TRHDE: variants seen among roughly 807,000 people sequenced by gnomAD.
The protein encoded by TRHDE is thyrotropin releasing hormone degrading enzyme, also known as thyrotropin-releasing hormone-degrading ectoenzyme.
A neutral mutation model predicts 125.7 loss-of-function variants in TRHDE; 72 were observed. That is an observed-to-expected ratio of 0.57 (90% CI 0.47 to 0.70). The LOEUF (loss-of-function observed/expected upper bound fraction) is 0.70, where lower values mean the gene tolerates loss of function less well. TRHDE is among the 30% of genes least tolerant of loss of function. The pLI is 0.00. For missense variants in TRHDE, 1,110 were observed against 1,327.1 expected, an observed-to-expected ratio of 0.84 and a Z score of 2.54; for synonymous variants, 509 against 509.1, an observed-to-expected ratio of 1.00 and a Z score of 0.00.
intron 6 of TRHDE, among the ~76,000 whole-genome samples, chr12:72,538,041 T>G (rs1868955170): frequency 6.6e-6 from 1 of 152,074 alleles, no homozygotes; most frequent in South Asian, 2.1e-4. Flanking sequence ...CCTGGAATCT[T>G]GCTTCAATAA....
At chr12:72,128,295 T>C (rs1256123722) in intron 2 of TRHDE, among the ~76,000 whole-genome samples, 3 of 152,152 alleles carry the variant, frequency 2.0e-5, no homozygotes, top group Non-Finnish European at 4.4e-5. Flanking sequence ...ACTGATAAAC[T>C]GTATTCCAGA....
At chr12:72,357,357 C>T (rs1400790501) in intron 2 of TRHDE, among the ~76,000 whole-genome samples, 1 of 151,476 alleles carries the variant, frequency 6.6e-6, no homozygotes, top group Non-Finnish European at 1.5e-5. Context: ...TTTTGACCTA[C>T]ATCTATTCAT....
At chr12:72,457,864 A>T (rs1165089827) in intron 3 of TRHDE, among the ~76,000 whole-genome samples, 1 of 152,208 alleles carries the variant, frequency 6.6e-6, no homozygotes, top group Non-Finnish European at 1.5e-5. Context: ...TGCAAATTTC[A>T]AGAGTTAGGA....
chr12:72,348,568 T>A (rs1021216599), intron 2 of TRHDE, among the ~76,000 whole-genome samples: 1 of 152,064 alleles, frequency 6.6e-6, no homozygotes, highest in Non-Finnish European at 1.5e-5. Context: ...GGGTGTTAAA[T>A]CTCTGTTTGC....
intron 18 of TRHDE, among the ~76,000 whole-genome samples, chr12:72,660,602 A>C (rs1044438198): frequency 6.6e-6 from 1 of 152,178 alleles, no homozygotes; most frequent in Admixed American, 6.5e-5. Flanking sequence ...GGTTATTCCT[A>C]GTTTATGTTA....
At chr12:72,216,458 G>A (rs1877893745) in intron 2 of TRHDE, among the ~76,000 whole-genome samples, 1 of 152,166 alleles carries the variant, frequency 6.6e-6, no homozygotes, top group Admixed American at 6.5e-5. Flanking sequence ...TAAAAGTCAG[G>A]TCTCCTGTCT....
intron 2 of TRHDE, among the ~76,000 whole-genome samples, chr12:72,376,992 AT>A (rs927688010): frequency 6.6e-6 from 1 of 152,116 alleles, no homozygotes; most frequent in Non-Finnish European, 1.5e-5. Context: ...CAACACCTTC[AT>A]TTTATAAATG....
At chr12:72,501,944 C>T (rs1212796096) in intron 6 of TRHDE, among the ~76,000 whole-genome samples, 2 of 152,028 alleles carry the variant, frequency 1.3e-5, no homozygotes, top group Admixed American at 6.6e-5. Context: ...AAAATGTTTA[C>T]TTTATTGACA....
Position 72,273,340 on chromosome 12 carries a change from G to A in TRHDE, c.697G>A (p.Ala233Thr). ...CGTAGTGCTGCACGCTTCCCGAGTG[G>A]CGGTGGAGAAAGTGCAGCTGGCCGA... The part of the protein sequence containing the change: ...RYVVLHASRV[A>T]VEKVQLAEDR... Residue 233 changes from alanine to threonine, a missense_variant, in exon 1 of 19, where the codon GCG (alanine) becomes ACG (threonine). This residue lies in a region of TRHDE where 72 missense variants were observed against 122.2 expected (regional missense o/e 0.59). Coordinates refer to ENST00000261180, the MANE Select transcript of TRHDE (RefSeq NM_013381.3). The surrounding 1 kb of genome is among the most constrained non-coding windows in gnomAD (Gnocchi z 5.3). 1.2e-6 allele frequency: 2 copies of A among 1,614,096 alleles called. No individual in the cohort carries two copies. The highest frequency in any genetic ancestry group is 1.1e-5 in the South Asian group (1 of 91,080).
intron 2 of TRHDE, among the ~76,000 whole-genome samples, chr12:72,297,559 A>G (rs1043797225): frequency 6.6e-6 from 1 of 152,190 alleles, no homozygotes; most frequent in Non-Finnish European, 1.5e-5. Context: ...AAAAGCTGTA[A>G]ATCAGGCTTC....
intron 1 of TRHDE, among the ~76,000 whole-genome samples, chr12:72,095,340 A>G (rs1452154286): frequency 6.6e-6 from 1 of 152,186 alleles, no homozygotes; most frequent in Non-Finnish European, 1.5e-5. Flanking sequence ...TTGGCATTTG[A>G]AGCAAGTGTT....
At chr12:72,475,904 GT>G (rs200880586) in intron 5 of TRHDE, among the ~76,000 whole-genome samples, 7 of 151,524 alleles carry the variant, frequency 4.6e-5, no homozygotes, top group South Asian at 2.1e-4. Context: ...ATTATGATGG[GT>G]TTTTTTTGTT....
At chr12:72,235,098 A>G (rs1878315371) in intron 2 of TRHDE, among the ~76,000 whole-genome samples, 9 of 152,062 alleles carry the variant, frequency 5.9e-5, no homozygotes, top group Admixed American at 5.9e-4. Context: ...AACATATGGA[A>G]CTCTTAAGTA....
chr12:72,150,978 A>C (rs1240072722), intron 2 of TRHDE, among the ~76,000 whole-genome samples: 3 of 152,120 alleles, frequency 2.0e-5, no homozygotes, highest in South Asian at 2.1e-4. Context: ...CGCCACACCG[A>C]CTTCCACAAT....
At chr12:72,379,800 A>G (rs1168236242) in intron 3 of TRHDE, among the ~76,000 whole-genome samples, 1 of 152,220 alleles carries the variant, frequency 6.6e-6, no homozygotes, top group African/African-American at 2.4e-5. Context: ...TATGGTGTAT[A>G]TAATTGAATG....
chr12:72,385,728 C>A (rs190447544), intron 3 of TRHDE, among the ~76,000 whole-genome samples: 3 of 152,064 alleles, frequency 2.0e-5, no homozygotes, highest in African/African-American at 7.2e-5. Context: ...TCTTGTTAAG[C>A]TATTTTGTAG....
chr12:72,201,914 C>T (rs1371365422), intron 2 of TRHDE, among the ~76,000 whole-genome samples: 1 of 152,144 alleles, frequency 6.6e-6, no homozygotes, highest in Non-Finnish European at 1.5e-5. Flanking sequence ...GAAGCTACTA[C>T]CAAAATTTTC....
At chr12:72,293,677 G>T (rs1176211702) in intron 2 of TRHDE, among the ~76,000 whole-genome samples, 1 of 152,168 alleles carries the variant, frequency 6.6e-6, no homozygotes, top group Non-Finnish European at 1.5e-5. Flanking sequence ...GATCATTGCT[G>T]GTTACTGTGT....
At chr12:72,244,196 G>A (rs1023621874) in intron 2 of TRHDE, among the ~76,000 whole-genome samples, 33 of 152,226 alleles carry the variant, frequency 2.2e-4, no homozygotes, top group African/African-American at 7.2e-4. Context: ...CCCCTACCTA[G>A]TGACTTTCTT....
Sources: allele counts gnomAD v4.1 joint callset (sites outside exome capture counted in the v4.1 genomes callset), GRCh38; gene constraint gnomAD v4.1.1; regional missense constraint gnomAD v4.1.1; non-coding constraint Gnocchi (gnomAD v3.1); transcripts MANE v1.5; gene names NCBI Gene and HGNC (gene_info 2026-07-23, HGNC 2026-07-21).